TRPM1: variants seen among roughly 807,000 people sequenced by gnomAD.
The protein encoded by TRPM1 is transient receptor potential cation channel subfamily M member 1, also known as TRPM1-203 APA Isoform, Intron 10.
TRPM1 carries 113 observed loss-of-function variants against 149.4 expected under a neutral mutation model. The ratio of observed to expected loss-of-function variants is 0.76; its 90% CI spans 0.65 to 0.88. The LOEUF (loss-of-function observed/expected upper bound fraction) is 0.88. Ranked by LOEUF, TRPM1 falls within the 40% of genes least tolerant of loss-of-function variation. The pLI is 0.00. For synonymous variants in TRPM1, 741 were observed against 759.5 expected (o/e 0.98, Z 0.40); for missense variants, 1,976 against 2,038.7 (o/e 0.97, Z 0.59).
intron 3 of TRPM1, among the ~76,000 whole-genome samples, chr15:31,071,760 C>T (rs8038324): frequency 0.77 from 116,048 of 151,318 alleles, 45,076 homozygotes; most frequent in East Asian, 0.93. Flanking sequence ...GGTCAGGAGT[C>T]CGAGACCAGC....
intron 1 of TRPM1, among the ~76,000 whole-genome samples, chr15:31,089,091 CAAA>C (rs894011474): frequency 6.6e-5 from 10 of 152,140 alleles, no homozygotes; most frequent in African/African-American, 2.2e-4. Context: ...TTTTAAAAAA[CAAA>C]AATCAATACA....
At chr15:31,078,111 T>A (rs1012095154) in intron 2 of TRPM1, among the ~76,000 whole-genome samples, 4 of 152,126 alleles carry the variant, frequency 2.6e-5, no homozygotes, top group African/African-American at 9.7e-5. Flanking sequence ...CTTGGCCACT[T>A]TCCCACAACT....
intron 1 of TRPM1, among the ~76,000 whole-genome samples, chr15:31,151,602 C>T (rs2036305299): frequency 6.6e-6 from 1 of 152,256 alleles, no homozygotes; most frequent in Admixed American, 6.5e-5. Context: ...TGGTGTGGGG[C>T]AGCTGCCAGC....
intron 1 of TRPM1, among the ~76,000 whole-genome samples, chr15:31,093,844 C>G (rs966592153): frequency 6.6e-6 from 1 of 152,064 alleles, no homozygotes; most frequent in Non-Finnish European, 1.5e-5. Flanking sequence ...CTCAAGTGAT[C>G]TGCCCGCCTC....
intron 2 of TRPM1, 137 bp downstream of exon 2, chr15:31,081,216 C>T (rs2034848182): frequency 1.4e-6 from 1 of 732,004 alleles, no homozygotes. Flanking sequence ...GGCGCCATGG[C>T]CCGAGCCAGG....
At chr15:31,153,217 C>A (rs1331735101) in intron 1 of TRPM1, among the ~76,000 whole-genome samples, 1 of 152,124 alleles carries the variant, frequency 6.6e-6, no homozygotes, top group Non-Finnish European at 1.5e-5. Flanking sequence ...TGATAAGAAA[C>A]ATTTACAATC....
intron 1 of TRPM1, among the ~76,000 whole-genome samples, chr15:31,115,851 C>T (rs2035790835): frequency 6.6e-6 from 1 of 151,876 alleles, no homozygotes; most frequent in African/African-American, 2.4e-5. Flanking sequence ...TTATTTCTCA[C>T]AGTTCTGGAG....
intron 1 of TRPM1, among the ~76,000 whole-genome samples, chr15:31,096,081 AAGAAAAG>A (rs1002523290): frequency 1.3e-5 from 2 of 150,978 alleles, no homozygotes; most frequent in African/African-American, 4.9e-5. Context: ...AAGAAAAGAA[AAGAAAAG>A]AAAGAAGGAA....
At chr15:31,108,341 T>C (rs2035637975) in intron 1 of TRPM1, among the ~76,000 whole-genome samples, 1 of 152,226 alleles carries the variant, frequency 6.6e-6, no homozygotes, top group South Asian at 2.1e-4. Flanking sequence ...GGGTGTAGTA[T>C]ACTCTTAGAC....
intron 7 of TRPM1, among the ~76,000 whole-genome samples, chr15:31,063,590 A>G (rs2140957535): frequency 6.6e-6 from 1 of 152,068 alleles, no homozygotes; most frequent in South Asian, 2.1e-4. Context: ...CCTCCTGAGT[A>G]GCTGGGACTA....
chr15:31,002,628 G>C lies in TRPM1; in HGVS notation c.4072C>G (p.Pro1358Ala). Residue 1358 changes from proline (P) to alanine (A), a missense_variant, in exon 28 of 28, where the codon CCA (proline) becomes GCA (alanine). Physicochemically the swap from Pro to Ala is conservative, Grantham distance 27 (BLOSUM62 -1). Around this residue, in one of 3 missense-constraint regions of TRPM1, gnomAD observed 572 missense variants for 578.9 expected, o/e 0.99. Coordinates refer to ENST00000256552, the MANE Select transcript of TRPM1 (RefSeq NM_001252024.2). ...TCTACTGCAAGGTGACTGCCATCTG[G>C]GGTTGCTGATGTGCTTGTGCCCAGT... Reference protein sequence around the residue: ...LSLGTSTSATPDGSHLAVDDL... With the variant: ...LSLGTSTSATADGSHLAVDDL... 2 of 1,614,122 alleles carry C rather than the reference G, an allele frequency of 1.2e-6. No homozygotes were observed. The highest frequency in any genetic ancestry group is 2.2e-5 in the South Asian group (2 of 91,084).
chr15:31,042,265 T>C (rs2033643244), intron 16 of TRPM1, 22 bp from the exon 17 acceptor site: 1 of 1,554,312 alleles, frequency 6.4e-7, no homozygotes, highest in Middle Eastern at 1.7e-4. Context: ...AACATGGATT[T>C]CATGGTTTTG....
exon 1 of TRPM1, chr15:31,161,034 C>T (rs1250876253): frequency 9.7e-6 from 14 of 1,438,484 alleles, no homozygotes; most frequent in Middle Eastern, 3.6e-4. Flanking sequence ...GGCTGCCCTC[C>T]CTGGGTGGGC....
At chr15:31,069,155 C>T (rs1419344921) in intron 4 of TRPM1, among the ~76,000 whole-genome samples, 2 of 152,084 alleles carry the variant, frequency 1.3e-5, no homozygotes, top group African/African-American at 4.8e-5. Context: ...TCTGGCAATC[C>T]TAATGTTGGA....
At chr15:31,061,829 T>A (rs766099792) in intron 9 of TRPM1, among the ~76,000 whole-genome samples, 1 of 151,960 alleles carries the variant, frequency 6.6e-6, no homozygotes, top group Non-Finnish European at 1.5e-5. Context: ...GGATTACAGG[T>A]GCACGCCACC....
Position 31,001,333 on chromosome 15 carries a change from CTT to C in TRPM1, c.*487_*488del, listed in dbSNP as rs547146877. 1.8e-4 allele frequency: 25 copies of C among 138,668 alleles called. No individual in the cohort carries two copies. Among genetic ancestry groups the C allele is most frequent in the Admixed American group, 2.9e-4 (4 of 13,762 alleles). 8.6% of individuals were successfully genotyped at this position (138,668 alleles called of 1,614,324 possible). On this transcript the variant is annotated 3_prime_UTR_variant, in exon 28 of 28. Coordinates refer to ENST00000256552, the MANE Select transcript of TRPM1 (RefSeq NM_001252024.2). ...TTTCTCTTTCTTACACAGTTGCTTA[CTT>C]TTTTTTTTTTTTTTAAGAGATGGGG...
chr15:31,154,786 C>T (rs1044980258), intron 1 of TRPM1, among the ~76,000 whole-genome samples: 1 of 152,242 alleles, frequency 6.6e-6, no homozygotes. Context: ...CTTGATGGAT[C>T]TGCTGGTACC....
rs779283834 is a variant in TRPM1 at position 31,067,062 on chromosome 15, C to T, written c.618+1G>A. 2 of 1,614,194 alleles carry T rather than the reference C, an allele frequency of 1.2e-6. No homozygotes were observed. Among genetic ancestry groups the T allele is most frequent in the Non-Finnish European group, 1.7e-6 (2 of 1,180,034 alleles). ...CCAACATTTGCAGAGAAAACACTTA[C>T]ATCCTTTCCAACCAGGTCTTCCTTA... On this transcript the variant is annotated splice_donor_variant, in intron 6 of 27. Transcript: ENST00000256552. LOFTEE classifies it high-confidence loss of function.
In TRPM1 at chr15:31,026,897, G is replaced by C; in HGVS notation, c.3496+18C>G. The C allele has an allele frequency of 6.2e-7, 1 of 1,612,018 alleles. No homozygotes were observed. Among genetic ancestry groups the C allele is most frequent in the Non-Finnish European group, 8.5e-7 (1 of 1,179,230 alleles). ...TTTGAAATCAGCCCAACTTAGAAAT[G>C]AAGAGCCCTGCACATACTCAATCCA... On this transcript the variant is annotated intron_variant, in intron 26 of 27. Coordinates refer to ENST00000256552, the MANE Select transcript of TRPM1 (RefSeq NM_001252024.2).
Sources: allele counts gnomAD v4.1 joint callset (sites outside exome capture counted in the v4.1 genomes callset), GRCh38; gene constraint gnomAD v4.1.1; regional missense constraint gnomAD v4.1.1; transcripts MANE v1.5; gene names NCBI Gene and HGNC (gene_info 2026-07-23, HGNC 2026-07-21).